The following PRKDC variants were observed in gnomAD, a reference collection of about 807,000 sequenced individuals.
PRKDC encodes DNA-dependent protein kinase catalytic subunit.
In PRKDC, 82 loss-of-function variants were observed where a neutral mutation model predicts 486.9. The ratio of observed to expected loss-of-function variants is 0.17; its 90% confidence interval spans 0.14 to 0.20. The LOEUF is 0.20. Among genes scored for constraint, PRKDC ranks in the 10% least tolerant of loss-of-function variants. The probability of loss-of-function intolerance (pLI) is 1.00; values close to 1 mark genes in which losing one functional copy is unlikely to be tolerated. For missense variants in PRKDC, 4,504 were observed against 5,038.2 expected (o/e 0.89, Z 3.21); for synonymous variants, 1,895 against 1,837.0 (o/e 1.03, Z -0.81).
intron 63 of PRKDC, 53 bp from the exon 64 acceptor site, chr8:47,824,049 G>A (rs1473300123): frequency 7.9e-6 from 11 of 1,400,038 alleles, no homozygotes; most frequent in Non-Finnish European, 1.0e-5. Flanking sequence ...TATTTTAAAA[G>A]TATTTATTCT....
chr8:47,949,216 A>G (rs1343128543), intron 7 of PRKDC, among the ~76,000 whole-genome samples: 1 of 152,196 alleles, frequency 6.6e-6, no homozygotes, highest in African/African-American at 2.4e-5. Context: ...ATGATCCAGG[A>G]TCATCTCTTC....
At chr8:47,875,184 T>A (rs772710883) in intron 40 of PRKDC, among the ~76,000 whole-genome samples, 2 of 152,276 alleles carry the variant, frequency 1.3e-5, no homozygotes, top group East Asian at 3.8e-4. Context: ...TTTGGTAATT[T>A]ACGACTTTCT....
chr8:47,897,260 C>G lies in PRKDC; in HGVS notation c.3499G>C (p.Asp1167His), dbSNP rs769397908. The G allele has an allele frequency of 5.2e-5, 83 of 1,602,514 alleles. No homozygotes were observed. The highest frequency in any genetic ancestry group is 1.5e-5 in the Non-Finnish European group (18 of 1,170,842). Reference protein sequence around the residue: ...FPPSASLCLLDLVKWLLAHCG... With the variant: ...FPPSASLCLLHLVKWLLAHCG... ...TGAGCTAAAAGCCACTTGACCAGAT[C>G]CAATAAACACAATGATGCGGAAGGT... The change falls in exon 30 of 86, where the codon GAT (aspartate) becomes CAT (histidine). Residue 1167 changes from aspartate (D) to histidine (H), a missense_variant. By Grantham distance (81) the Asp-to-His change is moderately conservative. This residue lies in a region of PRKDC where 1,969 missense variants were observed against 2,068.9 expected (regional missense o/e 0.95). Transcript: ENST00000314191.
intron 81 of PRKDC, 44 bp from the exon 82 acceptor site, chr8:47,778,843 T>C: frequency 6.4e-7 from 1 of 1,555,630 alleles, no homozygotes; most frequent in East Asian, 2.4e-5. Context: ...AAAATTTCTC[T>C]GACTTAAAAT....
In PRKDC at chr8:47,823,865, T is replaced by C; in HGVS notation, c.8915A>G (p.Tyr2972Cys). Residue 2972 changes from tyrosine (Y) to cysteine (C), a missense_variant, in exon 64 of 86, where the codon TAT becomes TGT. Physicochemically the swap from Tyr to Cys is radical, Grantham distance 194. This residue lies in a region of PRKDC where 1,592 missense variants were observed against 1,724.6 expected (regional missense o/e 0.92). Transcript: ENST00000314191. ...GCCAGAGATCAATTTTACCTCATCA[T>C]ACTGCTTAGCAGCTTCAGAATAATC... Reference protein sequence around the residue: ...RSDYSEAAKQYDEALNKQDWV... With the variant: ...RSDYSEAAKQCDEALNKQDWV... The C allele has an allele frequency of 6.2e-7, 1 of 1,613,688 alleles. No individual in the cohort carries two copies. Among genetic ancestry groups the C allele is most frequent in the African/African-American group, 1.3e-5 (1 of 75,066 alleles).
intron 74 of PRKDC, among the ~76,000 whole-genome samples, chr8:47,792,678 A>C (rs968835081): frequency 6.6e-6 from 1 of 152,194 alleles, no homozygotes; most frequent in African/African-American, 2.4e-5. Context: ...CCCTGATGTG[A>C]TTGTTACACA....
intron 13 of PRKDC, among the ~76,000 whole-genome samples, chr8:47,935,464 C>T (rs1039830081): frequency 6.6e-6 from 1 of 151,746 alleles, no homozygotes; most frequent in African/African-American, 2.4e-5. Flanking sequence ...CATGCCACTG[C>T]ACTCCAGCCT....
At chr8:47,953,750 A>G (rs1267620846) in intron 6 of PRKDC, 31 bp from the exon 7 acceptor site, 8 of 1,590,160 alleles carry the variant, frequency 5.0e-6, no homozygotes, top group Middle Eastern at 3.3e-4. Flanking sequence ...AGATGTCATT[A>G]CAAGAGAAAA....
chr8:47,943,241 C>T lies in PRKDC; in HGVS notation c.934G>A (p.Ala312Thr). Residue 312 changes from alanine to threonine, a missense_variant, in exon 10 of 86, where the codon GCA becomes ACA. Around this residue, in one of 6 missense-constraint regions of PRKDC, gnomAD observed 1,969 missense variants for 2,068.9 expected, o/e 0.95. Coordinates refer to ENST00000314191, the MANE Select transcript of PRKDC (RefSeq NM_006904.7). ...AHTNVELKKA[A>T]LSALESFLKQ... ...AGAAAGGATTCCAGGGCTGAAAGTG[C>T]AGCTTTTTTCAATTCTACATTTGTG... 1 of 1,613,248 alleles carries T rather than the reference C, an allele frequency of 6.2e-7. No individual in the cohort carries two copies. Among genetic ancestry groups the T allele is most frequent in the Non-Finnish European group, 8.5e-7 (1 of 1,179,654 alleles).
Position 47,863,555 on chromosome 8 carries a change from G to A in PRKDC, c.5594C>T (p.Thr1865Ile), listed in dbSNP as rs760061254. 1 of 1,610,894 alleles carries A rather than the reference G, an allele frequency of 6.2e-7. No individual in the cohort carries two copies. Among genetic ancestry groups the A allele is most frequent in the African/African-American group, 1.3e-5 (1 of 74,820 alleles). ...GTAGCCCATCTTCTTGGTGATTTGA[G>A]TATCAAAGGTAGATTCATTTAGCTT... ...FTKLNESTFDTQITKKMGYYK... is the reference protein window; with the variant it reads ...FTKLNESTFDIQITKKMGYYK... The change falls in exon 42 of 86, where the codon ACT (threonine) becomes ATT (isoleucine). Residue 1865 changes from threonine (T) to isoleucine (I), a missense_variant. Physicochemically the swap from Thr to Ile is moderately conservative, Grantham distance 89 (BLOSUM62 -1). Transcript: ENST00000314191.
intron 40 of PRKDC, among the ~76,000 whole-genome samples, chr8:47,871,265 A>G (rs778446932): frequency 3.3e-5 from 5 of 152,210 alleles, no homozygotes; most frequent in Non-Finnish European, 7.3e-5. Context: ...TTTAACCCAA[A>G]TAAAACTACC....
chr8:47,877,678 A>G (rs952459718), intron 40 of PRKDC, 46 bp downstream of exon 40: 5 of 1,466,570 alleles, frequency 3.4e-6, no homozygotes, highest in Middle Eastern at 1.8e-4. Flanking sequence ...TTCCCACAAA[A>G]CTGAAATGCG....
At chr8:47,864,841 A>ACTC in intron 40 of PRKDC, 78 bp from the exon 41 acceptor site, 1 of 1,214,480 alleles carries the variant, frequency 8.2e-7, no homozygotes, top group Non-Finnish European at 1.1e-6. Flanking sequence ...CATAACAGGC[A>ACTC]AAGTAAACAC....
At chr8:47,866,048 C>T (rs1490293815) in intron 40 of PRKDC, among the ~76,000 whole-genome samples, 2 of 150,786 alleles carry the variant, frequency 1.3e-5, no homozygotes, top group Non-Finnish European at 2.9e-5. Context: ...CCCAGCTACT[C>T]AGGAGGCTGA....
chr8:47,879,834 CTTTTTTTTTTTT>C (rs759336069), intron 38 of PRKDC, among the ~76,000 whole-genome samples, 176 bp from the exon 39 acceptor site: 2 of 99,202 alleles, frequency 2.0e-5, no homozygotes, highest in Non-Finnish European at 1.9e-5. Context: ...TATACCTCAG[CTTTTTTTTTTTT>C]TTTTTTTTTT....
intron 71 of PRKDC, among the ~76,000 whole-genome samples, chr8:47,800,575 T>C (rs887800171): frequency 6.6e-6 from 1 of 150,838 alleles, no homozygotes; most frequent in African/African-American, 2.4e-5. Context: ...AACCTGCACA[T>C]TGTGCACATG....
chr8:47,897,239 C>G lies in PRKDC; in HGVS notation c.3520G>C (p.Ala1174Pro), dbSNP rs769168104. 1.9e-6 allele frequency: 3 copies of G among 1,608,406 alleles called. No homozygotes were observed. In the East Asian group the frequency reaches 6.7e-5, roughly 36 times the overall value. Reference sequence around the variant, plus strand: ...TCTGTCTGGGGCCTCCCACAATGAGCTAAAAGCCACTTGACCAGATCCAAT... The same window carrying G: ...TCTGTCTGGGGCCTCCCACAATGAGGTAAAAGCCACTTGACCAGATCCAAT... The part of the protein sequence containing the change: ...CLLDLVKWLL[A>P]HCGRPQTECR... The change falls in exon 30 of 86, where the codon GCT (alanine) becomes CCT (proline). Residue 1174 changes from alanine to proline, a missense_variant. Transcript: ENST00000314191.
At position 47,896,899 on chromosome 8, in the gene PRKDC, T is replaced by C. The variant is rs56198157; in HGVS notation, c.3598+262A>G. ...TTATTTCAGTCCATAAGCAGTTTAA[T>C]GGTTTAGTAATTACTGAAAAGCACA... On this transcript the variant is annotated intron_variant, in intron 30 of 85. Transcript: ENST00000314191. 6.6e-4 allele frequency among the ~76,000 whole-genome samples: 101 copies of C among 152,354 alleles called. No homozygotes were observed. In the East Asian group the frequency reaches 0.013, roughly 19 times the overall value.
At chr8:47,930,358 C>T (rs1275619896) in intron 17 of PRKDC, among the ~76,000 whole-genome samples, 1 of 152,146 alleles carries the variant, frequency 6.6e-6, no homozygotes, top group Non-Finnish European at 1.5e-5. Context: ...CTGCAAGCTC[C>T]ACCTCCCGGG....
Sources: allele counts gnomAD v4.1 joint callset (sites outside exome capture counted in the v4.1 genomes callset), GRCh38; gene constraint gnomAD v4.1.1; regional missense constraint gnomAD v4.1.1; transcripts MANE v1.5; gene names NCBI Gene and HGNC (gene_info 2026-07-23, HGNC 2026-07-21).